PTPRN2: variants seen among roughly 807,000 people sequenced by gnomAD.
PTPRN2 encodes receptor-type tyrosine-protein phosphatase N2.
In PTPRN2, 74 loss-of-function variants were observed where a neutral mutation model predicts 118.8. That is an observed-to-expected ratio of 0.62 (90% CI 0.52 to 0.76). The LOEUF (loss-of-function observed/expected upper bound fraction) is 0.76, where lower values mean the gene tolerates loss of function less well. PTPRN2 is among the 30% of genes least tolerant of loss of function. The pLI, the probability that PTPRN2 is intolerant of heterozygous loss-of-function variation, is 0.00. For missense variants in PTPRN2, 1,481 were observed against 1,394.4 expected, an observed-to-expected ratio of 1.06 and a Z score of -0.99; for synonymous variants, 641 against 608.0, an observed-to-expected ratio of 1.05 and a Z score of -0.80.
In PTPRN2 at chr7:158,453,969, G is replaced by A. The variant is rs181085770; in HGVS notation, c.163+35766C>T. 3.4e-4 allele frequency among the ~76,000 whole-genome samples: 45 copies of A among 131,188 alleles called. No individual in the cohort carries two copies. In the East Asian group the frequency reaches 6.9e-3, roughly 20 times the overall value. 86.1% of individuals were successfully genotyped at this position (131,188 alleles called of 152,430 possible). A position where few individuals can be genotyped will look rare whatever the true frequency, so the allele number is the denominator to read the frequency against. Reference sequence around the variant, plus strand: ...CACAATCACCGATGTCAGGACTGGGGACGGTTGCTATGGAGGACAGACAAG... The same window carrying A: ...CACAATCACCGATGTCAGGACTGGGAACGGTTGCTATGGAGGACAGACAAG... On this transcript the variant is annotated intron_variant, in intron 2 of 22. Transcript: ENST00000389418.
intron 1 of PTPRN2, among the ~76,000 whole-genome samples, chr7:158,562,347 T>C (rs1827441708): frequency 6.6e-6 from 1 of 152,122 alleles, no homozygotes; most frequent in Admixed American, 6.5e-5. Context: ...TGAGACCTTG[T>C]CACCTCCCAA....
At chr7:158,363,664 G>A (rs1186910482) in intron 2 of PTPRN2, among the ~76,000 whole-genome samples, 1 of 152,202 alleles carries the variant, frequency 6.6e-6, no homozygotes, top group Non-Finnish European at 1.5e-5. Flanking sequence ...GAACTCCGAG[G>A]TGAGACACTT....
chr7:158,330,928 C>T lies in PTPRN2; in HGVS notation c.164-13996G>A, dbSNP rs1804264332. Among the ~76,000 whole-genome samples the T allele has an allele frequency of 4.8e-4, 54 of 112,270 alleles. 3 individuals carry two copies. Among genetic ancestry groups the T allele is most frequent in the African/African-American group, 1.8e-3 (53 of 30,064 alleles). 73.7% of individuals were successfully genotyped at this position (112,270 alleles called of 152,430 possible). ...CTGACACCTGCAGACGTCACTCACA[C>T]CCACACTCTCACGATAAGAGCTGTC... On this transcript the variant is annotated intron_variant, in intron 2 of 22. Transcript: ENST00000389418.
rs1294566627 is a variant in PTPRN2, at chr7:157,676,153, A to G, written c.2001+6572T>C. Among the ~76,000 whole-genome samples the G allele has an allele frequency of 2.0e-5, 3 of 151,738 alleles. No individual in the cohort carries two copies. The highest frequency in any genetic ancestry group is 4.4e-5 in the Non-Finnish European group (3 of 67,932). ...CTTGCAGCCGAGTCCTTTCCACGACACCCCAGCTCCCTGTCTAAACTCTTG... is the reference window on the plus strand; with the variant it reads ...CTTGCAGCCGAGTCCTTTCCACGACGCCCCAGCTCCCTGTCTAAACTCTTG... On this transcript the variant is annotated intron_variant, in intron 13 of 22. Transcript: ENST00000389418. The surrounding 1 kb of genome is among the most constrained non-coding windows in gnomAD (Gnocchi z 5.6).
rs181277286 is a variant in PTPRN2, at chr7:158,247,835, C to T, written c.278-42562G>A. Among the ~76,000 whole-genome samples, 286 of 152,204 alleles carry T rather than the reference C, an allele frequency of 1.9e-3. 2 individuals are homozygous for T. Among genetic ancestry groups the T allele is most frequent in the African/African-American group, 6.6e-3 (273 of 41,522 alleles). On this transcript the variant is annotated intron_variant, in intron 3 of 22. Coordinates refer to ENST00000389418, the MANE Select transcript of PTPRN2 (RefSeq NM_002847.5). The stretch of plus-strand genomic sequence containing the variant: ...TTCCCCATGTTGGCCAGGCTGGTCT[C>T]GAACTCCTCACCTCAGGTGATCCAC...
At chr7:158,522,597 C>A (rs867731642) in intron 1 of PTPRN2, among the ~76,000 whole-genome samples, 4 of 152,220 alleles carry the variant, frequency 2.6e-5, no homozygotes, top group South Asian at 2.1e-4. Context: ...AACCTGGCCC[C>A]TGGTGACCAG....
chr7:158,414,240 G>C (rs1483414258), intron 2 of PTPRN2, among the ~76,000 whole-genome samples: 1 of 151,968 alleles, frequency 6.6e-6, no homozygotes, highest in Non-Finnish European at 1.5e-5. Flanking sequence ...GATGATGCAG[G>C]GCACACCAGG....
intron 3 of PTPRN2, among the ~76,000 whole-genome samples, chr7:158,245,728 C>A (rs933205782): frequency 1.3e-5 from 2 of 152,132 alleles, no homozygotes; most frequent in African/African-American, 4.8e-5. Flanking sequence ...TCAGGCACAG[C>A]GTCTCATGAC....
At chr7:158,274,441 GCCGC>G in intron 3 of PTPRN2, among the ~76,000 whole-genome samples, 1 of 127,640 alleles carries the variant, frequency 7.8e-6, no homozygotes. Flanking sequence ...CATGGGAGGA[GCCGC>G]AGACACGGGG....
At chr7:158,359,944 C>G (rs561920464) in intron 2 of PTPRN2, among the ~76,000 whole-genome samples, 147 of 152,162 alleles carry the variant, frequency 9.7e-4, no homozygotes, top group Admixed American at 2.4e-3. Flanking sequence ...GAAGACAAGC[C>G]CCTCAGTGGG....
chr7:158,496,232 T>TTCCCTTCAGCCTC (rs1821837600), intron 1 of PTPRN2, among the ~76,000 whole-genome samples: 1 of 100,684 alleles, frequency 9.9e-6, no homozygotes, highest in African/African-American at 3.7e-5. Flanking sequence ...CCTTCAGCCT[T>TTCCCTTCAGCCTC]CCCTCCCCTT....
At chr7:157,552,447 A>G (rs1042226392) in intron 21 of PTPRN2, among the ~76,000 whole-genome samples, 2 of 151,804 alleles carry the variant, frequency 1.3e-5, no homozygotes, top group Admixed American at 1.3e-4. Flanking sequence ...CTCCTCACAC[A>G]CCCCAACTGC....
intron 12 of PTPRN2, among the ~76,000 whole-genome samples, chr7:157,778,467 G>A (rs1803475144): frequency 6.6e-6 from 1 of 150,822 alleles, no homozygotes; most frequent in South Asian, 2.1e-4. Context: ...ATGAATACAG[G>A]TGTTGGGTGC....
chr7:158,415,958 A>G (rs1234578521), intron 2 of PTPRN2, among the ~76,000 whole-genome samples: 2 of 152,090 alleles, frequency 1.3e-5, no homozygotes, highest in Non-Finnish European at 2.9e-5. Context: ...GGGGCTCCAC[A>G]TCCCCATGAC....
At chr7:157,680,182 AG>A (rs1363391950) in intron 13 of PTPRN2, among the ~76,000 whole-genome samples, 1 of 152,224 alleles carries the variant, frequency 6.6e-6, no homozygotes, top group Non-Finnish European at 1.5e-5. Context: ...GAGTAGTTCC[AG>A]CATGTCCCCA....
intron 5 of PTPRN2, among the ~76,000 whole-genome samples, chr7:158,176,038 T>C (rs914487555): frequency 2.6e-5 from 4 of 151,774 alleles, no homozygotes; most frequent in African/African-American, 9.7e-5. Context: ...AGACTCGCAA[T>C]GCCGTGAGGC....
At chr7:158,492,048 CA>C (rs1821493475) in intron 1 of PTPRN2, among the ~76,000 whole-genome samples, 1 of 152,178 alleles carries the variant, frequency 6.6e-6, no homozygotes, top group Non-Finnish European at 1.5e-5. Flanking sequence ...GATCCTCACG[CA>C]GTGACCTCCA....
At chr7:158,350,426 C>T (rs1283037856) in intron 2 of PTPRN2, among the ~76,000 whole-genome samples, 1 of 152,238 alleles carries the variant, frequency 6.6e-6, no homozygotes, top group Non-Finnish European at 1.5e-5. Context: ...GATGGAGAGG[C>T]TGCTCAGAAG....
At chr7:158,247,499 G>C (rs540694685) in intron 3 of PTPRN2, among the ~76,000 whole-genome samples, 1 of 152,206 alleles carries the variant, frequency 6.6e-6, no homozygotes, top group Non-Finnish European at 1.5e-5. Flanking sequence ...TCCACGGCTC[G>C]TGGGCAGCTG....
Sources: gnomAD v4.1 joint callset for allele counts (sites outside exome capture counted in the v4.1 genomes callset) on GRCh38, gnomAD v4.1.1 for gene constraint, Gnocchi (gnomAD v3.1) non-coding constraint, MANE v1.5 for transcripts, NCBI Gene and HGNC (gene_info 2026-07-23, HGNC 2026-07-21) for gene names.